Variants in SHOC2 observed in about 807,000 individuals in gnomAD.
SHOC2 encodes the protein leucine-rich repeat protein SHOC-2.
SHOC2 carries 4 observed loss-of-function variants against 50.2 expected under a neutral mutation model. That is an observed-to-expected ratio of 0.08 (90% CI 0.04 to 0.18). The LOEUF (loss-of-function observed/expected upper bound fraction) is 0.18. SHOC2 is among the 10% of genes least tolerant of loss of function. The pLI, the probability that SHOC2 is intolerant of heterozygous loss-of-function variation, is 1.00. For missense variants in SHOC2, 388 were observed against 669.6 expected (o/e 0.58, Z 4.64); for synonymous variants, 218 against 244.5 (o/e 0.89, Z 1.01).
chr10:110,919,795 G>C, intron 1 of SHOC2, 138 bp downstream of exon 1: 2 of 392,690 alleles, frequency 5.1e-6, no homozygotes, highest in South Asian at 2.6e-4. Flanking sequence ...GGCAGCGCCG[G>C]GGCGAGGCCC....
intron 1 of SHOC2, among the ~76,000 whole-genome samples, chr10:110,957,063 T>C (rs1398075940): frequency 6.6e-6 from 1 of 152,216 alleles, no homozygotes; most frequent in African/African-American, 2.4e-5. Context: ...AACATTAACT[T>C]AATAGATATT....
intron 2 of SHOC2, among the ~76,000 whole-genome samples, chr10:110,974,521 A>T: frequency 6.6e-6 from 1 of 152,128 alleles, no homozygotes; most frequent in Middle Eastern, 3.2e-3. Context: ...TGTAAACAGC[A>T]TATAGTTAGG....
intron 3 of SHOC2, among the ~76,000 whole-genome samples, chr10:110,988,542 C>G (rs1213860011): frequency 1.3e-5 from 2 of 152,046 alleles, no homozygotes; most frequent in Non-Finnish European, 2.9e-5. Flanking sequence ...AGTAATGCCA[C>G]CTCTCTAATT....
chr10:110,998,857 A>T (rs1420154695), intron 3 of SHOC2, among the ~76,000 whole-genome samples: 1 of 152,242 alleles, frequency 6.6e-6, no homozygotes, highest in East Asian at 1.9e-4. Flanking sequence ...AGAAGGAAAG[A>T]TGCAGATGAT....
chr10:110,974,667 G>A (rs1028652174), intron 2 of SHOC2, among the ~76,000 whole-genome samples: 13 of 151,292 alleles, frequency 8.6e-5, no homozygotes, highest in Admixed American at 3.3e-4. Flanking sequence ...TCTTTGTGGC[G>A]TTTTTTTTAG....
chr10:110,964,404 C>A lies in SHOC2; in HGVS notation c.46C>A (p.Pro16Thr). The A allele has an allele frequency of 6.2e-7, 1 of 1,612,984 alleles. No individual in the cohort carries two copies. The highest frequency in any genetic ancestry group is 8.5e-7 in the Non-Finnish European group (1 of 1,179,790). ...GKEKDSKEKD[P>T]KVPSAKEREK... The stretch of plus-strand genomic sequence containing the variant: ...AGAAAAAGACTCTAAAGAAAAAGAT[C>A]CCAAAGTACCATCAGCCAAGGAAAG... Residue 16 changes from proline (P) to threonine (T), a missense_variant, in exon 2 of 9, where the codon CCC becomes ACC. Physicochemically the swap from Pro to Thr is conservative, Grantham distance 38 (BLOSUM62 -1). This residue lies in a region of SHOC2 where 121 missense variants were observed against 145.5 expected (regional missense o/e 0.83). Coordinates refer to ENST00000369452, the MANE Select transcript of SHOC2 (RefSeq NM_007373.4). This position sits in a 1 kb window ranked among gnomAD's most constrained non-coding sequence, Gnocchi z 4.9.
chr10:110,968,317 T>G (rs1847716693), intron 2 of SHOC2, among the ~76,000 whole-genome samples: 2 of 151,840 alleles, frequency 1.3e-5, no homozygotes, highest in African/African-American at 2.4e-5. Context: ...GTTTTTAATT[T>G]AAAAGAAGTT....
At chr10:110,933,238 G>C (rs935716533) in intron 1 of SHOC2, among the ~76,000 whole-genome samples, 2 of 151,996 alleles carry the variant, frequency 1.3e-5, no homozygotes, top group Non-Finnish European at 2.9e-5. Context: ...ATTATGAAAG[G>C]AGTGATTACT....
chr10:110,919,835 G>C (rs955788745), intron 1 of SHOC2, among the ~76,000 whole-genome samples, 178 bp downstream of exon 1: 1 of 151,146 alleles, frequency 6.6e-6, no homozygotes, highest in African/African-American at 2.4e-5. Context: ...AGGCGCCGCC[G>C]CCGCCGCTTT....
intron 1 of SHOC2, among the ~76,000 whole-genome samples, chr10:110,946,347 C>G (rs2134097477): frequency 6.7e-6 from 1 of 149,274 alleles, no homozygotes; most frequent in African/African-American, 2.5e-5. Flanking sequence ...CATGTAGTAA[C>G]CATTTCTTGG....
At chr10:110,939,319 G>T (rs1049550939) in intron 1 of SHOC2, among the ~76,000 whole-genome samples, 3 of 152,096 alleles carry the variant, frequency 2.0e-5, no homozygotes, top group African/African-American at 7.2e-5. Context: ...CTTGGGTCAA[G>T]CCATCCTCTC....
rs1347107037 is a variant in SHOC2, at chr10:110,985,635, A to G, written c.711A>G (p.Leu237=). ...ATGTTGGTCAATTTACAGGTGAATT[A>G]TGTAACCTCATTACGCTGGATGTAG... is the stretch of plus-strand genomic sequence containing the variant. The part of the protein sequence containing the change: ...IKQLPAEIGE[L]CNLITLDVAH... The change falls in exon 3 of 9, where the codon TTA becomes TTG. Residue 237 remains leucine, a synonymous_variant. Transcript: ENST00000369452. 1.2e-6 allele frequency: 2 copies of G among 1,610,068 alleles called. No individual in the cohort carries two copies. Among genetic ancestry groups the G allele is most frequent in the Non-Finnish European group, 1.7e-6 (2 of 1,177,360 alleles).
chr10:110,923,744 A>C (rs1198138328), intron 1 of SHOC2, among the ~76,000 whole-genome samples: 2 of 152,194 alleles, frequency 1.3e-5, no homozygotes, highest in East Asian at 3.8e-4. Context: ...AAAGGGGTAT[A>C]ATTGGTCCCT....
intron 2 of SHOC2, among the ~76,000 whole-genome samples, chr10:110,975,158 C>T (rs547972604): frequency 8.7e-4 from 125 of 143,140 alleles, no homozygotes; most frequent in Middle Eastern, 3.6e-3. Context: ...TCCCATGTTA[C>T]TTTTTTTTTT....
chr10:110,950,618 A>G (rs1021855247), intron 1 of SHOC2, among the ~76,000 whole-genome samples: 2 of 152,186 alleles, frequency 1.3e-5, no homozygotes, highest in Non-Finnish European at 2.9e-5. Flanking sequence ...TAATTGTTCA[A>G]AATATACTAC....
At chr10:110,988,826 A>G (rs2134153599) in intron 3 of SHOC2, 1 of 428,806 alleles carries the variant, frequency 2.3e-6, no homozygotes, top group East Asian at 7.5e-5. Flanking sequence ...TTTCCCCTTA[A>G]GTACTGCTTC....
intron 3 of SHOC2, chr10:110,989,090 C>T: frequency 4.2e-6 from 2 of 480,282 alleles, no homozygotes; most frequent in East Asian, 1.2e-4. Flanking sequence ...CCATTGTGGT[C>T]AAGAACATTC....
intron 1 of SHOC2, among the ~76,000 whole-genome samples, chr10:110,948,440 C>T (rs1380465544): frequency 6.6e-6 from 1 of 152,142 alleles, no homozygotes; most frequent in African/African-American, 2.4e-5. Flanking sequence ...AGAATATACA[C>T]TCTTTTTAAG....
At chr10:110,970,936 G>T (rs942661346) in intron 2 of SHOC2, among the ~76,000 whole-genome samples, 1 of 151,908 alleles carries the variant, frequency 6.6e-6, no homozygotes, top group Admixed American at 6.6e-5. Context: ...TTGTTTTGCT[G>T]TTGAGTTCTT....
Sources: gnomAD v4.1 joint callset for allele counts (sites outside exome capture counted in the v4.1 genomes callset) on GRCh38, gnomAD v4.1.1 for gene constraint, gnomAD v4.1.1 regional missense constraint, Gnocchi (gnomAD v3.1) non-coding constraint, MANE v1.5 for transcripts, NCBI Gene and HGNC (gene_info 2026-07-23, HGNC 2026-07-21) for gene names.